Variants in LRBA observed in about 807,000 individuals in gnomAD.
The protein encoded by LRBA is LPS responsive beige-like anchor protein, also known as lipopolysaccharide-responsive and beige-like anchor protein.
A neutral mutation model predicts 330.0 loss-of-function variants in LRBA; 176 were observed. The observed-to-expected ratio is 0.53, with a 90% CI of 0.47 to 0.60. The LOEUF is 0.60. LRBA is among the 20% of genes least tolerant of loss of function. The probability of loss-of-function intolerance (pLI) is 0.00; values close to 1 mark genes in which losing one functional copy is unlikely to be tolerated. For synonymous variants in LRBA, 1,230 were observed against 1,193.0 expected (o/e 1.03, Z -0.64); for missense variants, 3,259 against 3,444.8 (o/e 0.95, Z 1.35).
At chr4:150,902,058 G>A (rs1730791646) in intron 13 of LRBA, among the ~76,000 whole-genome samples, 1 of 151,844 alleles carries the variant, frequency 6.6e-6, no homozygotes, top group Non-Finnish European at 1.5e-5. Flanking sequence ...ACAAATCAAA[G>A]ACAATAAATA....
chr4:150,674,086 T>G (rs1364619934), intron 37 of LRBA, among the ~76,000 whole-genome samples: 1 of 152,124 alleles, frequency 6.6e-6, no homozygotes, highest in African/African-American at 2.4e-5. Flanking sequence ...GAGCTTTCGA[T>G]GTCAGCTAGG....
intron 46 of LRBA, chr4:150,423,438 G>T (rs990386889): frequency 3.3e-6 from 2 of 607,158 alleles, no homozygotes; most frequent in Non-Finnish European, 5.9e-6. Flanking sequence ...CTCTGGCGGT[G>T]AGCTGTTGCC....
rs74542429 is a variant in LRBA, at chr4:150,589,287, A to G, written c.6194-1103T>C. On this transcript the variant is annotated intron_variant, in intron 39 of 56. Transcript: ENST00000651943. Reference sequence around the variant, plus strand: ...TGAATTGACATTTCCATCGATTGTTAGAAGGGTGATAGTGCTTAATCTCAC... The same window carrying G: ...TGAATTGACATTTCCATCGATTGTTGGAAGGGTGATAGTGCTTAATCTCAC... 6.4e-3 allele frequency among the ~76,000 whole-genome samples: 973 copies of G among 152,296 alleles called. 5 individuals are homozygous for G. Among genetic ancestry groups the G allele is most frequent in the Non-Finnish European group, 0.01 (707 of 68,024 alleles).
rs201599387 is a variant in LRBA at position 150,808,382 on chromosome 4, A to G, written c.5322T>C (p.Asn1774=). ...CTGTTGGAACTGAGGGCAATTTTGCATTAGATGATCTACTGCCTATAAAAG... is the reference window on the plus strand; with the variant it reads ...CTGTTGGAACTGAGGGCAATTTTGCGTTAGATGATCTACTGCCTATAAAAG... The part of the protein sequence containing the change: ...GGESPGSRSS[N]AKLPSVPTVD... Residue 1774 remains asparagine, a synonymous_variant, in exon 32 of 57, where the codon AAT becomes AAC. Transcript: ENST00000651943. 6 of 1,609,036 alleles carry G rather than the reference A, an allele frequency of 3.7e-6. No homozygotes were observed. The East Asian group carries it at 1.3e-4, about 36-fold the overall frequency.
At chr4:150,974,247 T>C (rs1005899838) in intron 2 of LRBA, among the ~76,000 whole-genome samples, 5 of 152,260 alleles carry the variant, frequency 3.3e-5, no homozygotes, top group African/African-American at 1.2e-4. Context: ...GAGACACAGA[T>C]CAGAGTTCAG....
chr4:150,334,697 C>T (rs1426408894), intron 48 of LRBA, among the ~76,000 whole-genome samples: 2 of 151,388 alleles, frequency 1.3e-5, no homozygotes, highest in Non-Finnish European at 2.9e-5. Flanking sequence ...TGATATCTTA[C>T]ACAAAGCATG....
chr4:150,898,316 T>C (rs1730338321), intron 14 of LRBA, among the ~76,000 whole-genome samples: 1 of 152,068 alleles, frequency 6.6e-6, no homozygotes, highest in Non-Finnish European at 1.5e-5. Flanking sequence ...CACGATATCA[T>C]TCATGAAGAA....
intron 43 of LRBA, among the ~76,000 whole-genome samples, chr4:150,469,378 C>T (rs1755826613): frequency 6.6e-6 from 1 of 152,040 alleles, no homozygotes; most frequent in African/African-American, 2.4e-5. Flanking sequence ...ATTTATAAAA[C>T]ATATACAGGG....
At chr4:150,746,725 T>C (rs183215447) in intron 35 of LRBA, among the ~76,000 whole-genome samples, 3 of 152,212 alleles carry the variant, frequency 2.0e-5, no homozygotes, top group Non-Finnish European at 4.4e-5. Flanking sequence ...TTAGCCAGGA[T>C]GGTCTTGATT....
intron 40 of LRBA, among the ~76,000 whole-genome samples, chr4:150,520,934 AT>A (rs1762861388): frequency 6.6e-6 from 1 of 152,160 alleles, no homozygotes; most frequent in African/African-American, 2.4e-5. Context: ...CTATGTATTC[AT>A]TTTCTTAAAA....
At chr4:150,963,790 C>T (rs1298332867) in intron 2 of LRBA, among the ~76,000 whole-genome samples, 3 of 147,526 alleles carry the variant, frequency 2.0e-5, no homozygotes, top group African/African-American at 8.0e-5. Context: ...AGCCCCTCCG[C>T]CCGGCCCCCC....
intron 36 of LRBA, among the ~76,000 whole-genome samples, chr4:150,697,827 T>A (rs1330464340): frequency 6.6e-6 from 1 of 152,132 alleles, no homozygotes; most frequent in Non-Finnish European, 1.5e-5. Flanking sequence ...GTTTTGTTTT[T>A]TTTTTAACCT....
chr4:150,601,262 TAAC>T (rs1028498183), intron 37 of LRBA, among the ~76,000 whole-genome samples: 12 of 152,192 alleles, frequency 7.9e-5, no homozygotes, highest in Non-Finnish European at 1.5e-4. Context: ...TTCTTCTTGA[TAAC>T]AATTAAAATT....
chr4:150,621,419 A>G (rs1776278723), intron 37 of LRBA, among the ~76,000 whole-genome samples: 1 of 152,222 alleles, frequency 6.6e-6, no homozygotes, highest in Non-Finnish European at 1.5e-5. Context: ...ATGTCACTAC[A>G]TAATAGTACT....
chr4:150,783,322 G>C (rs1015477107), intron 34 of LRBA, among the ~76,000 whole-genome samples: 1 of 152,078 alleles, frequency 6.6e-6, no homozygotes, highest in Non-Finnish European at 1.5e-5. Context: ...AACAATTATA[G>C]GATAATAGCG....
At chr4:150,916,830 G>C (rs549772969) in intron 5 of LRBA, 92 bp from the exon 6 acceptor site, 79 of 965,864 alleles carry the variant, frequency 8.2e-5, no homozygotes, top group Non-Finnish European at 3.8e-5. Flanking sequence ...ACATATATTT[G>C]TACTACATCA....
intron 47 of LRBA, among the ~76,000 whole-genome samples, chr4:150,365,791 CAAA>C (rs58972028): frequency 2.5e-4 from 23 of 91,662 alleles, no homozygotes; most frequent in East Asian, 9.3e-4. Context: ...AACTCTGTCT[CAAA>C]AAAAAAAAAA....
intron 55 of LRBA, 52 bp from the exon 56 acceptor site, chr4:150,278,056 C>G: frequency 6.4e-7 from 1 of 1,554,938 alleles, no homozygotes; most frequent in Middle Eastern, 1.7e-4. Flanking sequence ...AAACTTTCGG[C>G]CCCCACCCTG....
intron 37 of LRBA, among the ~76,000 whole-genome samples, chr4:150,628,841 A>G (rs543567790): frequency 1.3e-5 from 2 of 152,324 alleles, no homozygotes; most frequent in African/African-American, 4.8e-5. Flanking sequence ...TTGGCTAATC[A>G]ACACTAAGTT....
Sources: gnomAD v4.1 joint callset for allele counts (sites outside exome capture counted in the v4.1 genomes callset) on GRCh38, gnomAD v4.1.1 for gene constraint, MANE v1.5 for transcripts, NCBI Gene and HGNC (gene_info 2026-07-23, HGNC 2026-07-21) for gene names.